DYNC2H1: variants seen among roughly 807,000 people sequenced by gnomAD.
DYNC2H1 encodes the protein dynein cytoplasmic 2 heavy chain 1.
A neutral mutation model predicts 570.0 loss-of-function variants in DYNC2H1; 410 were observed. The observed-to-expected ratio is 0.72, with a 90% CI of 0.66 to 0.78. The LOEUF (loss-of-function observed/expected upper bound fraction) is 0.78. DYNC2H1 is among the 30% of genes least tolerant of loss of function. The pLI, the probability that DYNC2H1 is intolerant of heterozygous loss-of-function variation, is 0.00. For missense variants in DYNC2H1, 4,865 were observed against 5,046.4 expected, an observed-to-expected ratio of 0.96 and a Z score of 1.09; for synonymous variants, 1,688 against 1,677.6, an observed-to-expected ratio of 1.01 and a Z score of -0.15.
intron 55 of DYNC2H1, among the ~76,000 whole-genome samples, chr11:103,216,449 A>G (rs1484391647): frequency 1.3e-5 from 2 of 151,996 alleles, no homozygotes; most frequent in African/African-American, 4.8e-5. Flanking sequence ...ACTGTTTTCA[A>G]ATTCATCTTT....
intron 17 of DYNC2H1, among the ~76,000 whole-genome samples, chr11:103,141,859 A>C (rs1185511455): frequency 6.6e-6 from 1 of 152,170 alleles, no homozygotes. Context: ...GGTGGGCTCC[A>C]CCCAGTTCGA....
At chr11:103,462,841 T>G (rs920896105) in intron 87 of DYNC2H1, among the ~76,000 whole-genome samples, 12 of 152,206 alleles carry the variant, frequency 7.9e-5, no homozygotes, top group African/African-American at 1.9e-4. Context: ...CGCCTCTTAA[T>G]GTTGACCTGT....
In DYNC2H1 at chr11:103,358,318, G is replaced by T; in HGVS notation, c.12115G>T (p.Glu4039Ter). Reference sequence around the variant, plus strand: ...ATTTGATAGAGAAATCTGGTCTAATGAACTTTCTCCTGTCCTCAATCTCTG... The same window carrying T: ...ATTTGATAGAGAAATCTGGTCTAATTAACTTTCTCCTGTCCTCAATCTCTG... ...SKFDREIWSNELSPVLNLWKK... is the reference protein window; with the variant it reads ...SKFDREIWSN The change falls in exon 83 of 89, where the codon GAA (glutamate) becomes TAA (stop). Residue 4039 changes from glutamate (E) to a stop codon, truncating the protein, a stop_gained. Transcript: ENST00000375735. LOFTEE classifies it high-confidence loss of function. 6.3e-7 allele frequency: 1 copy of T among 1,587,892 alleles called. No homozygotes were observed. The highest frequency in any genetic ancestry group is 8.6e-7 in the Non-Finnish European group (1 of 1,165,670).
At chr11:103,152,741 T>C (rs1591324323) in intron 21 of DYNC2H1, among the ~76,000 whole-genome samples, 1 of 152,198 alleles carries the variant, frequency 6.6e-6, no homozygotes, top group East Asian at 1.9e-4. Context: ...AATCTTTTTG[T>C]CTACCATCTC....
At chr11:103,354,186 A>C (rs970675923) in intron 82 of DYNC2H1, among the ~76,000 whole-genome samples, 10 of 150,766 alleles carry the variant, frequency 6.6e-5, no homozygotes, top group African/African-American at 2.4e-4. Context: ...CAAAACAAAA[A>C]AAAAAAAAAA....
Position 103,189,886 on chromosome 11 carries a change from G to C in DYNC2H1, c.7437+70G>C, listed in dbSNP as rs1456298538. ...TTTCTAAAGGTCTACTTTTAATTCT[G>C]ACCTCTGTGTTGACACCCAGGCTTT... is the stretch of plus-strand genomic sequence containing the variant. On this transcript the variant is annotated intron_variant, in intron 45 of 88. Coordinates refer to ENST00000375735, the MANE Select transcript of DYNC2H1 (RefSeq NM_001377.3). The surrounding 1 kb of genome is among the most constrained non-coding windows in gnomAD (Gnocchi z 4.3). 1.4e-6 allele frequency: 2 copies of C among 1,459,050 alleles called. No individual in the cohort carries two copies. The highest frequency in any genetic ancestry group is 2.8e-5 in the African/African-American group (2 of 70,418). The allele number at this position is 1,459,050 out of a possible 1,614,324, so 90.4% of individuals were successfully genotyped here. A position where few individuals can be genotyped will look rare whatever the true frequency, so the allele number is the denominator to read the frequency against.
intron 87 of DYNC2H1, among the ~76,000 whole-genome samples, chr11:103,463,952 C>T (rs35000709): frequency 0.16 from 24,809 of 151,918 alleles, 2,192 homozygotes; most frequent in Admixed American, 0.25. Context: ...TTATAAATAT[C>T]GTATGTATGT....
chr11:103,171,818 A>G (rs750195826), intron 34 of DYNC2H1, among the ~76,000 whole-genome samples: 1 of 151,132 alleles, frequency 6.6e-6, no homozygotes, highest in Non-Finnish European at 1.5e-5. Context: ...TCTGAAGCAC[A>G]TTTTTTTTTG....
At position 103,181,292 on chromosome 11, in the gene DYNC2H1, A is replaced by G. The variant is rs533083424; in HGVS notation, c.6348-465A>G. Among the ~76,000 whole-genome samples the G allele has an allele frequency of 6.6e-6, 1 of 151,724 alleles. No homozygotes were observed. The highest frequency in any genetic ancestry group is 1.5e-5 in the Non-Finnish European group (1 of 67,650). On this transcript the variant is annotated intron_variant, in intron 39 of 88. Transcript: ENST00000375735. This position sits in a 1 kb window ranked among gnomAD's most constrained non-coding sequence, Gnocchi z 5.0. ...CAGTGCATTTTAAACTCTAATGTGCATTTGAATCATCAAGGGGTCTTATTA... is the reference window on the plus strand; with the variant it reads ...CAGTGCATTTTAAACTCTAATGTGCGTTTGAATCATCAAGGGGTCTTATTA...
intron 77 of DYNC2H1, 86 bp downstream of exon 77, chr11:103,304,806 TATTTA>T (rs1306854148): frequency 7.9e-7 from 1 of 1,271,434 alleles, no homozygotes; most frequent in Non-Finnish European, 1.0e-6. Context: ...TGTCATGCAT[TATTTA>T]TGATGATTTA....
intron 87 of DYNC2H1, among the ~76,000 whole-genome samples, chr11:103,462,955 T>C (rs1036359273): frequency 9.2e-5 from 14 of 152,348 alleles, no homozygotes; most frequent in African/African-American, 3.4e-4. Flanking sequence ...TTATGAATTT[T>C]CAGTAAGTGA....
intron 85 of DYNC2H1, among the ~76,000 whole-genome samples, chr11:103,445,714 C>T (rs975986054): frequency 4.6e-5 from 7 of 152,088 alleles, no homozygotes; most frequent in African/African-American, 9.7e-5. Context: ...TGCAGTGGCT[C>T]GATCTCAGCT....
chr11:103,165,724 A>G (rs1024357047), intron 30 of DYNC2H1, among the ~76,000 whole-genome samples, 174 bp from the exon 31 acceptor site: 4 of 152,138 alleles, frequency 2.6e-5, no homozygotes, highest in Non-Finnish European at 4.4e-5. Flanking sequence ...GCATCACACA[A>G]TACTTTTTCT....
rs1252704848 is a variant in DYNC2H1 at position 103,186,067 on chromosome 11, A to G, written c.6634-175A>G. On this transcript the variant is annotated intron_variant, in intron 41 of 88. Transcript: ENST00000375735. The surrounding 1 kb of genome is among the most constrained non-coding windows in gnomAD (Gnocchi z 4.5). Reference sequence around the variant, plus strand: ...CTTTAATTTACTTGCATAAATGATCATTTAGAGAAAAATATTTGAGATAAA... The same window carrying G: ...CTTTAATTTACTTGCATAAATGATCGTTTAGAGAAAAATATTTGAGATAAA... 6.6e-6 allele frequency among the ~76,000 whole-genome samples: 1 copy of G among 152,028 alleles called. No individual in the cohort carries two copies. The highest frequency in any genetic ancestry group is 1.5e-5 in the Non-Finnish European group (1 of 67,960).
chr11:103,400,370 G>A (rs1942588201), intron 84 of DYNC2H1, among the ~76,000 whole-genome samples: 1 of 152,138 alleles, frequency 6.6e-6, no homozygotes, highest in African/African-American at 2.4e-5. Context: ...TCCTGGAGCT[G>A]GGGATGGATT....
chr11:103,359,818 C>T (rs1228606847), intron 83 of DYNC2H1, among the ~76,000 whole-genome samples: 4 of 151,938 alleles, frequency 2.6e-5, no homozygotes, highest in South Asian at 2.1e-4. Flanking sequence ...GTGCACACTA[C>T]GGCACCCAGC....
chr11:103,393,426 C>T (rs1942257518), intron 83 of DYNC2H1, among the ~76,000 whole-genome samples: 1 of 152,072 alleles, frequency 6.6e-6, no homozygotes, highest in African/African-American at 2.4e-5. Context: ...AGATACTTTC[C>T]TAGAAATAAA....
chr11:103,455,068 C>A, intron 85 of DYNC2H1, 118 bp from the exon 86 acceptor site: 2 of 637,662 alleles, frequency 3.1e-6, no homozygotes, highest in South Asian at 2.6e-5. Flanking sequence ...TATATATTTT[C>A]TAGCTACCAT....
rs1860197491 is a variant in DYNC2H1, at chr11:103,145,528, A to T, written c.2702+2133A>T. Reference sequence around the variant, plus strand: ...TATTTTTTTGTCCCTTACTATAGATAGCTTTCCTATTTATGATCCTTGCCA... The same window carrying T: ...TATTTTTTTGTCCCTTACTATAGATTGCTTTCCTATTTATGATCCTTGCCA... On this transcript the variant is annotated intron_variant, in intron 18 of 88. Coordinates refer to ENST00000375735, the MANE Select transcript of DYNC2H1 (RefSeq NM_001377.3). The surrounding 1 kb of genome is among the most constrained non-coding windows in gnomAD (Gnocchi z 4.2). Among the ~76,000 whole-genome samples, 1 of 152,110 alleles carries T rather than the reference A, an allele frequency of 6.6e-6. No homozygotes were observed. Among genetic ancestry groups the T allele is most frequent in the Non-Finnish European group, 1.5e-5 (1 of 68,008 alleles).
Sources: allele counts gnomAD v4.1 joint callset (sites outside exome capture counted in the v4.1 genomes callset), GRCh38; gene constraint gnomAD v4.1.1; non-coding constraint Gnocchi (gnomAD v3.1); transcripts MANE v1.5; gene names NCBI Gene and HGNC (gene_info 2026-07-23, HGNC 2026-07-21).